Variants in UTP18 observed in about 807,000 individuals in gnomAD.
UTP18 encodes U3 small nucleolar RNA-associated protein 18 homolog.
UTP18 carries 36 observed loss-of-function variants against 61.1 expected under a neutral mutation model. The ratio of observed to expected loss-of-function variants is 0.59; its 90% CI spans 0.45 to 0.78. UTP18 has a LOEUF of 0.78. UTP18 is among the 30% of genes least tolerant of loss of function. UTP18 has a pLI of 0.00. For synonymous variants in UTP18, 282 were observed against 251.1 expected, an observed-to-expected ratio of 1.12 and a Z score of -1.16; for missense variants, 753 against 693.9, an observed-to-expected ratio of 1.09 and a Z score of -0.96.
chr17:51,297,076 C>T lies in UTP18; in HGVS notation c.*14+73C>T, dbSNP rs181553332. The T allele has an allele frequency of 5.2e-5, 68 of 1,298,900 alleles. No homozygotes were observed. The East Asian group carries it at 1.4e-3, about 27-fold the overall frequency. 80.5% of individuals were successfully genotyped at this position (1,298,900 alleles called of 1,614,324 possible). A position where few individuals can be genotyped will look rare whatever the true frequency, so the allele number is the denominator to read the frequency against. On this transcript the variant is annotated intron_variant, in intron 13 of 13. Transcript: ENST00000225298. ...CATTGCTGTCAGTTGGTGGAAGCAGCACATTAGCTGAGCTTTGTTTCTCTA... is the reference window on the plus strand; with the variant it reads ...CATTGCTGTCAGTTGGTGGAAGCAGTACATTAGCTGAGCTTTGTTTCTCTA...
chr17:51,288,892 T>TA (rs372702925), intron 11 of UTP18, among the ~76,000 whole-genome samples: 18 of 152,344 alleles, frequency 1.2e-4, no homozygotes, highest in Non-Finnish European at 2.4e-4. Context: ...ATTCCTCCAG[T>TA]AATGAGTTGT....
chr17:51,268,873 A>G lies in UTP18; in HGVS notation c.591A>G (p.Ala197=), dbSNP rs1490254152. ...QHAMGGVPAW[A]ETTKRKTSSD... is the part of the protein sequence containing the mutation. ...CCATGGGAGGAGTACCTGCCTGGGC[A>G]GAGACTACTAAGCGGAAAACATCTT... The change falls in exon 4 of 14, where the codon GCA becomes GCG. Residue 197 remains alanine, a synonymous_variant. Coordinates refer to ENST00000225298, the MANE Select transcript of UTP18 (RefSeq NM_016001.3). 10 of 1,614,014 alleles carry G rather than the reference A, an allele frequency of 6.2e-6. No individual in the cohort carries two copies. Among genetic ancestry groups the G allele is most frequent in the Non-Finnish European group, 8.5e-6 (10 of 1,179,924 alleles).
intron 7 of UTP18, 46 bp downstream of exon 7, chr17:51,277,350 T>A (rs1327774952): frequency 6.3e-7 from 1 of 1,599,266 alleles, no homozygotes; most frequent in African/African-American, 1.3e-5. Context: ...CCCCCCAAGG[T>A]GAGTTTATGT....
intron 2 of UTP18, among the ~76,000 whole-genome samples, chr17:51,265,309 G>A (rs2055549183): frequency 6.6e-6 from 1 of 150,850 alleles, no homozygotes; most frequent in South Asian, 2.1e-4. Context: ...TCTTGCCTGG[G>A]CTAGAGTGTA....
chr17:51,279,056 T>G (rs1442842325), intron 7 of UTP18, among the ~76,000 whole-genome samples: 1 of 152,182 alleles, frequency 6.6e-6, no homozygotes, highest in Non-Finnish European at 1.5e-5. Flanking sequence ...TTGTAACTCC[T>G]TTTTCTCTAA....
At chr17:51,285,679 G>C (rs1280600367) in intron 10 of UTP18, among the ~76,000 whole-genome samples, 2 of 152,190 alleles carry the variant, frequency 1.3e-5, no homozygotes, top group Non-Finnish European at 2.9e-5. Context: ...CTTTTATTAG[G>C]ATATATTGTT....
intron 8 of UTP18, 93 bp downstream of exon 8, chr17:51,280,198 A>G: frequency 2.2e-6 from 3 of 1,386,014 alleles, no homozygotes; most frequent in Non-Finnish European, 3.0e-6. Context: ...TTAAATCTGC[A>G]TCTCCAAGTA....
intron 9 of UTP18, among the ~76,000 whole-genome samples, chr17:51,281,578 T>C (rs150141548): frequency 6.6e-6 from 1 of 152,174 alleles, no homozygotes; most frequent in Non-Finnish European, 1.5e-5. Flanking sequence ...TAAGGAGGAT[T>C]TGAGGGCAGG....
At position 51,293,933 on chromosome 17, in the gene UTP18, A is replaced by G. The variant is rs191307031; in HGVS notation, c.1534A>G (p.Asn512Asp). Reference protein sequence around the residue: ...VHLPSCTVFSNFPVIKNKNIS... With the variant: ...VHLPSCTVFSDFPVIKNKNIS... ...TCTTCCTTCCTGTACAGTATTTTCA[A>G]ACTTCCCAGTCATTAAAAATAAGAA... Residue 512 changes from asparagine to aspartate, a missense_variant, in exon 12 of 14, where the codon AAC (asparagine) becomes GAC (aspartate). Asn to Asp is a conservative substitution (Grantham distance 23). Transcript: ENST00000225298. 3,486 of 1,600,766 alleles carry G rather than the reference A, an allele frequency of 2.2e-3. 8 individuals carry two copies. Among genetic ancestry groups the G allele is most frequent in the Non-Finnish European group, 2.7e-3 (3,226 of 1,173,720 alleles).
Position 51,288,080 on chromosome 17 carries a change from A to T in UTP18, c.1380A>T (p.Glu460Asp). The change falls in exon 11 of 14, where the codon GAA becomes GAT. Residue 460 changes from glutamate (E) to aspartate (D), a missense_variant. By Grantham distance (45) the Glu-to-Asp change is conservative (BLOSUM62 2). Coordinates refer to ENST00000225298, the MANE Select transcript of UTP18 (RefSeq NM_016001.3). ...NIYNQDSCLQ[E>D]TNPKPIKAIM... ...ACAATCAAGATTCTTGTCTCCAAGA[A>T]ACAAACCCAAAGCCAATAAAAGCTA... 6.2e-7 allele frequency: 1 copy of T among 1,608,072 alleles called. No homozygotes were observed.
chr17:51,266,341 A>T, intron 3 of UTP18, 61 bp downstream of exon 3: 1 of 1,167,488 alleles, frequency 8.6e-7, no homozygotes, highest in South Asian at 1.7e-5. Context: ...CCAGTCATTA[A>T]CCGTAACCGC....
At chr17:51,273,146 G>A (rs936752428) in intron 4 of UTP18, among the ~76,000 whole-genome samples, 3 of 151,596 alleles carry the variant, frequency 2.0e-5, no homozygotes, top group African/African-American at 7.3e-5. Context: ...TTTAACTATG[G>A]ATGTTAAGCT....
At chr17:51,273,474 A>G in intron 5 of UTP18, 24 bp downstream of exon 5, 1 of 1,572,798 alleles carries the variant, frequency 6.4e-7, no homozygotes, top group Non-Finnish European at 8.7e-7. Context: ...AAGTTGGGGG[A>G]TCCTATCTAA....
Position 51,286,538 on chromosome 17 carries a change from A to C in UTP18, c.1328+1170A>C, listed in dbSNP as rs970459368. The C allele has an allele frequency of 4.8e-5, 22 of 456,252 alleles. No homozygotes were observed. The Middle Eastern group carries it at 9.8e-4, about 20-fold the overall frequency. The allele number at this position is 456,252 out of a possible 1,614,324, so 28.3% of individuals were successfully genotyped here. A position where few individuals can be genotyped will look rare whatever the true frequency, so the allele number is the denominator to read the frequency against. ...ATCCCTACCACCGTTTGCAAATTGG[A>C]GTTTGGGAGGAAAGGCAAGTAGAAC... On this transcript the variant is annotated intron_variant, in intron 10 of 13. Coordinates refer to ENST00000225298, the MANE Select transcript of UTP18 (RefSeq NM_016001.3).
chr17:51,286,870 A>G (rs1269445038), intron 10 of UTP18, among the ~76,000 whole-genome samples: 4 of 152,160 alleles, frequency 2.6e-5, no homozygotes, highest in Non-Finnish European at 5.9e-5. Flanking sequence ...GTACATGTGC[A>G]TAACGTGCAG....
chr17:51,267,818 C>T (rs962075560), intron 3 of UTP18, among the ~76,000 whole-genome samples: 1 of 152,042 alleles, frequency 6.6e-6, no homozygotes, highest in African/African-American at 2.4e-5. Flanking sequence ...TATCCCTTCT[C>T]TGAGGGATCA....
At chr17:51,297,673 G>A (rs899984367) in intron 13 of UTP18, 109 bp from the exon 14 acceptor site, 1 of 407,774 alleles carries the variant, frequency 2.5e-6, no homozygotes, top group Non-Finnish European at 4.7e-6. Flanking sequence ...TAGCAAGGAG[G>A]GGAAAGCAGT....
At chr17:51,282,836 G>A (rs115599974) in intron 9 of UTP18, among the ~76,000 whole-genome samples, 2,970 of 150,294 alleles carry the variant, frequency 0.02, 104 homozygotes, top group African/African-American at 0.068. Context: ...CTCTCTCTCC[G>A]CTTCTTCCTC....
chr17:51,282,722 G>A (rs1477161304), intron 9 of UTP18, among the ~76,000 whole-genome samples: 1 of 152,106 alleles, frequency 6.6e-6, no homozygotes, highest in African/African-American at 2.4e-5. Flanking sequence ...TCATGGCTGT[G>A]GAGATCTAAT....
Sources: gnomAD v4.1 joint callset for allele counts (sites outside exome capture counted in the v4.1 genomes callset) on GRCh38, gnomAD v4.1.1 for gene constraint, MANE v1.5 for transcripts, NCBI Gene and HGNC (gene_info 2026-07-23, HGNC 2026-07-21) for gene names.